Variants in ELOVL5 observed in about 807,000 individuals in gnomAD.
ELOVL5 encodes the protein ELOVL fatty acid elongase 5.
Under a neutral mutation model 38.6 loss-of-function variants are expected in ELOVL5, and 8 were observed. The observed-to-expected ratio is 0.21, with a 90% CI of 0.12 to 0.37. ELOVL5 has a LOEUF of 0.37. Ranked by LOEUF, ELOVL5 falls within the 10% of genes least tolerant of loss-of-function variation. The pLI is 1.00. For missense variants in ELOVL5, 280 were observed against 367.8 expected (o/e 0.76, Z 1.95); for synonymous variants, 127 against 133.7 (o/e 0.95, Z 0.34).
intron 1 of ELOVL5, among the ~76,000 whole-genome samples, chr6:53,311,291 C>G (rs559697653): frequency 4.6e-4 from 70 of 152,272 alleles, no homozygotes; most frequent in African/African-American, 1.6e-3. Context: ...ATGTAATAAC[C>G]ACTGGGGTAG....
intron 1 of ELOVL5, among the ~76,000 whole-genome samples, chr6:53,310,997 G>A (rs1231580044): frequency 6.6e-6 from 1 of 152,212 alleles, no homozygotes; most frequent in Non-Finnish European, 1.5e-5. Context: ...TAGCAACTGA[G>A]TCCACAAACG....
intron 1 of ELOVL5, among the ~76,000 whole-genome samples, chr6:53,329,863 T>C (rs775514507): frequency 1.7e-4 from 26 of 152,094 alleles, no homozygotes; most frequent in Non-Finnish European, 2.6e-4. Context: ...ATAGTGTGTC[T>C]TCAGACCAAA....
At chr6:53,273,406 A>T (rs1581918008) in intron 5 of ELOVL5, 62 bp from the exon 6 acceptor site, 4 of 108,720 alleles carry the variant, frequency 3.7e-5, no homozygotes, top group African/African-American at 2.3e-4. Flanking sequence ...AACAGGTGGT[A>T]AAAAAAAAAA....
chr6:53,268,797 T>G lies in ELOVL5; in HGVS notation c.*330A>C. 5.3e-6 allele frequency: 1 copy of G among 187,510 alleles called. No individual in the cohort carries two copies. Among genetic ancestry groups the G allele is most frequent in the Non-Finnish European group, 1.1e-5 (1 of 91,678 alleles). The allele number at this position is 187,510 out of a possible 1,614,324, so 11.6% of individuals were successfully genotyped here. ...TGATCTACAGTTAAAAAAAAAAGTT[T>G]GGATTACAGTGTTTTTAAATTGTGA... is the stretch of plus-strand genomic sequence containing the variant. On this transcript the variant is annotated 3_prime_UTR_variant, in exon 8 of 8. Transcript: ENST00000304434.
At chr6:53,280,581 C>T (rs1040153727) in intron 3 of ELOVL5, among the ~76,000 whole-genome samples, 1 of 152,172 alleles carries the variant, frequency 6.6e-6, no homozygotes, top group African/African-American at 2.4e-5. Flanking sequence ...TTCTGGATGA[C>T]ATAATTCATG....
chr6:53,335,482 C>T (rs749258890), intron 1 of ELOVL5, among the ~76,000 whole-genome samples: 4 of 152,174 alleles, frequency 2.6e-5, no homozygotes, highest in Admixed American at 6.5e-5. Flanking sequence ...CTCTAGGCAA[C>T]GTTTCCTCAT....
chr6:53,305,653 G>A (rs1196525358), intron 1 of ELOVL5, among the ~76,000 whole-genome samples: 11 of 151,152 alleles, frequency 7.3e-5, no homozygotes, highest in Admixed American at 2.6e-4. Flanking sequence ...GATGGCGGCC[G>A]GGAAGAGGCG....
intron 1 of ELOVL5, among the ~76,000 whole-genome samples, chr6:53,346,889 C>T (rs1379958524): frequency 6.6e-6 from 1 of 152,120 alleles, no homozygotes; most frequent in Non-Finnish European, 1.5e-5. Flanking sequence ...GGTCTGTAAC[C>T]AAGAAGAAGC....
At chr6:53,283,766 C>A (rs967037135) in intron 3 of ELOVL5, among the ~76,000 whole-genome samples, 2 of 152,200 alleles carry the variant, frequency 1.3e-5, no homozygotes, top group Non-Finnish European at 2.9e-5. Flanking sequence ...CCACAGCAGA[C>A]TTCTCTGGAA....
At chr6:53,343,074 A>G (rs556235841) in intron 1 of ELOVL5, among the ~76,000 whole-genome samples, 1 of 152,296 alleles carries the variant, frequency 6.6e-6, no homozygotes, top group East Asian at 1.9e-4. Context: ...GCAGAAACTG[A>G]AAATCAGGTC....
chr6:53,311,829 C>A (rs528446460), intron 1 of ELOVL5, among the ~76,000 whole-genome samples: 7 of 152,210 alleles, frequency 4.6e-5, no homozygotes, highest in African/African-American at 1.4e-4. Context: ...TGGGAAGTGA[C>A]CGATACTGTT....
At position 53,282,583 on chromosome 6, in the gene ELOVL5, A is replaced by G. The variant is rs139458431; in HGVS notation, c.247-6327T>C. ...TAACTGTTTCCTTTCAGGCCCTGAG[A>G]GAAGTTTCTTTCTCAGCAAGGAATT... On this transcript the variant is annotated intron_variant, in intron 3 of 7. Coordinates refer to ENST00000304434, the MANE Select transcript of ELOVL5 (RefSeq NM_021814.5). 1.7e-3 allele frequency among the ~76,000 whole-genome samples: 259 copies of G among 152,356 alleles called. 2 individuals are homozygous for G. The highest frequency in any genetic ancestry group is 6.0e-3 in the African/African-American group (249 of 41,580).
At chr6:53,279,449 C>T (rs1251014087) in intron 3 of ELOVL5, among the ~76,000 whole-genome samples, 1 of 152,180 alleles carries the variant, frequency 6.6e-6, no homozygotes, top group Admixed American at 6.5e-5. Context: ...TCACATGCTC[C>T]CTTTGTTAAT....
At chr6:53,345,397 G>A (rs536434850) in intron 1 of ELOVL5, among the ~76,000 whole-genome samples, 3 of 152,258 alleles carry the variant, frequency 2.0e-5, no homozygotes, top group Non-Finnish European at 2.9e-5. Context: ...AACATGGATA[G>A]CTCTGCCATA....
chr6:53,285,964 A>T (rs1228483131), intron 3 of ELOVL5, among the ~76,000 whole-genome samples: 1 of 152,180 alleles, frequency 6.6e-6, no homozygotes, highest in Non-Finnish European at 1.5e-5. Flanking sequence ...GCGATTGCAC[A>T]CTTAATAGAC....
At chr6:53,310,738 G>C (rs1039963237) in intron 1 of ELOVL5, among the ~76,000 whole-genome samples, 7 of 152,098 alleles carry the variant, frequency 4.6e-5, no homozygotes, top group African/African-American at 9.7e-5. Context: ...ACTGCACCCA[G>C]CCAATCACAC....
chr6:53,321,258 C>G, intron 1 of ELOVL5, among the ~76,000 whole-genome samples: 1 of 152,218 alleles, frequency 6.6e-6, no homozygotes, highest in South Asian at 2.1e-4. Context: ...AGGGTTAAAT[C>G]CCACAAGCAG....
intron 1 of ELOVL5, among the ~76,000 whole-genome samples, chr6:53,310,676 A>C (rs1672894708): frequency 6.6e-6 from 1 of 152,182 alleles, no homozygotes; most frequent in African/African-American, 2.4e-5. Flanking sequence ...CCAGGGCTCA[A>C]GCAATCTGCC....
At chr6:53,310,086 G>A (rs1767768337) in intron 1 of ELOVL5, among the ~76,000 whole-genome samples, 1 of 152,212 alleles carries the variant, frequency 6.6e-6, no homozygotes, top group Non-Finnish European at 1.5e-5. Flanking sequence ...ACTTCCCCTT[G>A]CTAGCCTTCC....
Sources: allele counts gnomAD v4.1 joint callset (sites outside exome capture counted in the v4.1 genomes callset), GRCh38; gene constraint gnomAD v4.1.1; transcripts MANE v1.5; gene names NCBI Gene and HGNC (gene_info 2026-07-23, HGNC 2026-07-21).